USP46: variants seen among roughly 807,000 people sequenced by gnomAD.
USP46 encodes ubiquitin specific peptidase 46.
A neutral mutation model predicts 44.4 loss-of-function variants in USP46; 12 were observed. That is an observed-to-expected ratio of 0.27 (90% CI 0.17 to 0.44). The LOEUF (loss-of-function observed/expected upper bound fraction) is 0.44. Ranked by LOEUF, USP46 falls within the 20% of genes least tolerant of loss-of-function variation. The probability of loss-of-function intolerance (pLI) is 1.00; values close to 1 mark genes in which losing one functional copy is unlikely to be tolerated. For missense variants in USP46, 248 were observed against 444.8 expected (o/e 0.56, Z 3.98); for synonymous variants, 155 against 161.5 (o/e 0.96, Z 0.31).
intron 1 of USP46, chr4:52,656,256 G>T: frequency 6.5e-7 from 1 of 1,547,416 alleles, no homozygotes; most frequent in Non-Finnish European, 8.7e-7. Context: ...GAGGCCCACA[G>T]AGGAGCTAAG....
intron 1 of USP46, chr4:52,656,422 G>T: frequency 6.8e-7 from 1 of 1,468,510 alleles, no homozygotes; most frequent in Non-Finnish European, 9.1e-7. Flanking sequence ...AGACTGGGAG[G>T]GACAGTGGGG....
In USP46 at chr4:52,592,175, T is replaced by C. The variant is rs1560384562; in HGVS notation, c.*5465A>G. On this transcript the variant is annotated 3_prime_UTR_variant, in exon 9 of 9. Coordinates refer to ENST00000441222, the MANE Select transcript of USP46 (RefSeq NM_022832.4). Reference sequence around the variant, plus strand: ...TAAATTTCTTTCTCACCCAGACTTGTCTTCTGAGACAAAAAACGAGTCCAT... The same window carrying C: ...TAAATTTCTTTCTCACCCAGACTTGCCTTCTGAGACAAAAAACGAGTCCAT... The C allele has an allele frequency of 1.3e-5, 2 of 152,182 alleles. No individual in the cohort carries two copies. The highest frequency in any genetic ancestry group is 2.9e-5 in the Non-Finnish European group (2 of 68,030). 9.4% of individuals were successfully genotyped at this position (152,182 alleles called of 1,614,324 possible).
intron 1 of USP46, among the ~76,000 whole-genome samples, chr4:52,632,948 GAAAGAA>G (rs1169841060): frequency 1.5e-5 from 1 of 66,600 alleles, no homozygotes; most frequent in African/African-American, 7.8e-5. Flanking sequence ...AAGAAAGAAA[GAAAGAA>G]AGAAAGAAAG....
chr4:52,622,253 T>C (rs1182467153), intron 4 of USP46, among the ~76,000 whole-genome samples: 1 of 152,362 alleles, frequency 6.6e-6, no homozygotes, highest in East Asian at 1.9e-4. Flanking sequence ...GTGTTGGGCA[T>C]ATGGATTTTT....
intron 1 of USP46, among the ~76,000 whole-genome samples, chr4:52,649,134 C>T (rs1043707980): frequency 6.6e-6 from 1 of 152,222 alleles, no homozygotes; most frequent in Non-Finnish European, 1.5e-5. Flanking sequence ...TCCCCAATGT[C>T]ACTCCTCCCA....
chr4:52,638,518 G>A (rs994359224), intron 1 of USP46, among the ~76,000 whole-genome samples: 22 of 151,288 alleles, frequency 1.5e-4, no homozygotes, highest in African/African-American at 4.6e-4. Context: ...AATATACCCC[G>A]CCCCATGCTC....
At chr4:52,610,125 C>T (rs1337051810) in intron 5 of USP46, among the ~76,000 whole-genome samples, 1 of 150,564 alleles carries the variant, frequency 6.6e-6, no homozygotes, top group Non-Finnish European at 1.5e-5. Flanking sequence ...GGGGTTTCAC[C>T]GTGTTAGCCA....
At chr4:52,632,494 A>G (rs1363875765) in intron 1 of USP46, among the ~76,000 whole-genome samples, 1 of 152,186 alleles carries the variant, frequency 6.6e-6, no homozygotes, top group Non-Finnish European at 1.5e-5. Context: ...CAGAAACTCA[A>G]GACTTAAGAG....
intron 3 of USP46, among the ~76,000 whole-genome samples, chr4:52,627,462 A>G (rs1368309034): frequency 6.6e-6 from 1 of 152,264 alleles, no homozygotes; most frequent in Non-Finnish European, 1.5e-5. Flanking sequence ...TAAAAACCAT[A>G]TAAAGCAATC....
chr4:52,597,489 C>T lies in USP46; in HGVS notation c.*151G>A, dbSNP rs1377092638. The T allele has an allele frequency of 3.2e-6, 2 of 619,052 alleles. No individual in the cohort carries two copies. The highest frequency in any genetic ancestry group is 5.7e-6 in the Non-Finnish European group (2 of 349,524). 38.3% of individuals were successfully genotyped at this position (619,052 alleles called of 1,614,324 possible). A position where few individuals can be genotyped will look rare whatever the true frequency, so the allele number is the denominator to read the frequency against. ...CCAAGAGTAGTGCTGCATGTAAAAA[C>T]ACAAAAGGAGAGAGTCTAACACAGC... On this transcript the variant is annotated 3_prime_UTR_variant, in exon 9 of 9. Coordinates refer to ENST00000441222, the MANE Select transcript of USP46 (RefSeq NM_022832.4).
chr4:52,630,736 C>CAAAAAA (rs10566870), intron 2 of USP46, among the ~76,000 whole-genome samples: 2 of 92,278 alleles, frequency 2.2e-5, no homozygotes, highest in African/African-American at 4.1e-5. Context: ...GACTCTGTCT[C>CAAAAAA]AAAAAAAAAA....
At chr4:52,629,717 G>A (rs1444668005) in intron 2 of USP46, 1 of 456,216 alleles carries the variant, frequency 2.2e-6, no homozygotes, top group Non-Finnish European at 4.4e-6. Flanking sequence ...CATTTACCGA[G>A]TGTCCACAGT....
intron 5 of USP46, among the ~76,000 whole-genome samples, chr4:52,609,832 A>G (rs1560394453): frequency 2.1e-5 from 3 of 140,160 alleles, no homozygotes; most frequent in South Asian, 2.6e-4. Flanking sequence ...CCAGGTATGG[A>G]TGACCAACAT....
At chr4:52,640,954 T>C (rs1278943462) in intron 1 of USP46, among the ~76,000 whole-genome samples, 1 of 151,962 alleles carries the variant, frequency 6.6e-6, no homozygotes, top group East Asian at 1.9e-4. Flanking sequence ...ATGAAATGCC[T>C]TTGATTTCAG....
rs1001171772 is a variant in USP46, at chr4:52,597,535, T to A, written c.*105A>T. On this transcript the variant is annotated 3_prime_UTR_variant, in exon 9 of 9. Coordinates refer to ENST00000441222, the MANE Select transcript of USP46 (RefSeq NM_022832.4). ...ACAGCCAGACCATTGAGACTCGGAG[T>A]GATACCATTAGTGGGCCACTGGGGA... 1.4e-6 allele frequency: 1 copy of A among 734,918 alleles called. No homozygotes were observed. The highest frequency in any genetic ancestry group is 2.7e-5 in the East Asian group (1 of 36,490). The allele number at this position is 734,918 out of a possible 1,614,324, so 45.5% of individuals were successfully genotyped here.
chr4:52,620,277 ATAGAG>A (rs1252347679), intron 4 of USP46, among the ~76,000 whole-genome samples: 2 of 152,138 alleles, frequency 1.3e-5, no homozygotes, highest in Non-Finnish European at 2.9e-5. Context: ...GAAAATCCAC[ATAGAG>A]TAAAGATGGA....
At chr4:52,629,749 G>T (rs953223258) in intron 2 of USP46, 2 of 456,064 alleles carry the variant, frequency 4.4e-6, no homozygotes, top group Admixed American at 2.4e-5. Flanking sequence ...TCATGTCAGG[G>T]TTTTAAATAG....
intron 4 of USP46, among the ~76,000 whole-genome samples, chr4:52,620,100 C>A (rs1717324464): frequency 1.3e-5 from 2 of 152,184 alleles, no homozygotes; most frequent in Non-Finnish European, 2.9e-5. Flanking sequence ...AGGCTTCCCA[C>A]TCAAGATAAC....
At chr4:52,643,136 C>T (rs370000875) in intron 1 of USP46, among the ~76,000 whole-genome samples, 7 of 152,132 alleles carry the variant, frequency 4.6e-5, no homozygotes, top group East Asian at 3.8e-4. Flanking sequence ...TTAAAAGATA[C>T]GAACCCACAG....
Sources: allele counts gnomAD v4.1 joint callset (sites outside exome capture counted in the v4.1 genomes callset), GRCh38; gene constraint gnomAD v4.1.1; transcripts MANE v1.5; gene names NCBI Gene and HGNC (gene_info 2026-07-23, HGNC 2026-07-21).